Variants in TENM4 observed in about 807,000 individuals in gnomAD.
TENM4 encodes the protein teneurin-4.
A neutral mutation model predicts 243.3 loss-of-function variants in TENM4; 82 were observed. That is an observed-to-expected ratio of 0.34 (90% CI 0.28 to 0.40). TENM4 has a LOEUF of 0.40. Ranked by LOEUF, TENM4 falls within the 10% of genes least tolerant of loss-of-function variation. The probability of loss-of-function intolerance (pLI) is 1.00; values close to 1 mark genes in which losing one functional copy is unlikely to be tolerated. For synonymous variants in TENM4, 1,412 were observed against 1,456.3 expected (o/e 0.97, Z 0.69); for missense variants, 3,138 against 3,673.3 (o/e 0.85, Z 3.77).
intron 1 of TENM4, among the ~76,000 whole-genome samples, chr11:79,369,374 C>T (rs957022374): frequency 6.6e-6 from 1 of 152,154 alleles, no homozygotes; most frequent in Non-Finnish European, 1.5e-5. Context: ...TTCAGAGGGG[C>T]GCATTACATT....
intron 6 of TENM4, among the ~76,000 whole-genome samples, chr11:79,054,094 T>A (rs913839385): frequency 6.6e-6 from 1 of 152,164 alleles, no homozygotes; most frequent in African/African-American, 2.4e-5. Flanking sequence ...AGCCCCTGTA[T>A]CTTCCTAAGT....
intron 31 of TENM4, among the ~76,000 whole-genome samples, chr11:78,671,662 A>C (rs1858329091): frequency 6.6e-6 from 1 of 152,174 alleles, no homozygotes. Context: ...CTGCCTATGT[A>C]CTGATGCCTA....
chr11:78,655,650 G>GT lies in TENM4; in HGVS notation c.*2407dup, dbSNP rs1857872597. On this transcript the variant is annotated 3_prime_UTR_variant, in exon 34 of 34. Transcript: ENST00000278550. The stretch of plus-strand genomic sequence containing the variant: ...GGCGTGGGGGAAGCGTAGGGAGCTG[G>GT]TTCCTGTGGACCGCATGCCGTTCCT... 6.6e-6 allele frequency: 1 copy of GT among 152,394 alleles called. No individual in the cohort carries two copies. The highest frequency in any genetic ancestry group is 1.5e-5 in the Non-Finnish European group (1 of 68,186). 9.4% of individuals were successfully genotyped at this position (152,394 alleles called of 1,614,324 possible). A position where few individuals can be genotyped will look rare whatever the true frequency, so the allele number is the denominator to read the frequency against.
At chr11:78,864,551 C>T (rs1343809799) in intron 9 of TENM4, among the ~76,000 whole-genome samples, 1 of 151,812 alleles carries the variant, frequency 6.6e-6, no homozygotes, top group Non-Finnish European at 1.5e-5. Flanking sequence ...GAACATTGTC[C>T]CTTGAGATAT....
chr11:78,829,790 C>A (rs1210190813), intron 12 of TENM4, among the ~76,000 whole-genome samples: 1 of 152,164 alleles, frequency 6.6e-6, no homozygotes, highest in African/African-American at 2.4e-5. Flanking sequence ...CCTGCAGACC[C>A]TTCTGTGTGG....
At chr11:79,025,822 A>G (rs1403255752) in intron 6 of TENM4, among the ~76,000 whole-genome samples, 1 of 152,178 alleles carries the variant, frequency 6.6e-6, no homozygotes, top group Non-Finnish European at 1.5e-5. Context: ...TTTTACAGGA[A>G]CAACAGGAAC....
chr11:78,777,834 T>C (rs1466104496), intron 17 of TENM4, among the ~76,000 whole-genome samples: 1 of 152,180 alleles, frequency 6.6e-6, no homozygotes, highest in African/African-American at 2.4e-5. Flanking sequence ...TCAAGGAGCT[T>C]AGAGTCTTTT....
chr11:78,713,862 C>T (rs1372654904), intron 25 of TENM4, among the ~76,000 whole-genome samples: 2 of 152,156 alleles, frequency 1.3e-5, no homozygotes, highest in Non-Finnish European at 2.9e-5. Flanking sequence ...TAGGGCACAT[C>T]GGAGTTGAAC....
chr11:78,667,432 C>T (rs1164710198), intron 32 of TENM4, among the ~76,000 whole-genome samples: 1 of 152,128 alleles, frequency 6.6e-6, no homozygotes, highest in East Asian at 1.9e-4. Context: ...TCATGTTGCC[C>T]CTCTACACTT....
chr11:79,206,586 C>T (rs1422744304), intron 3 of TENM4, among the ~76,000 whole-genome samples: 2 of 152,106 alleles, frequency 1.3e-5, no homozygotes, highest in Admixed American at 6.5e-5. Context: ...GGGAGGGACC[C>T]AGGGGGAAGT....
chr11:78,784,945 A>G (rs1244379651), intron 16 of TENM4, among the ~76,000 whole-genome samples: 1 of 149,990 alleles, frequency 6.7e-6, no homozygotes, highest in African/African-American at 2.5e-5. Context: ...TTTTTGTCCA[A>G]CATTTGCAAA....
intron 6 of TENM4, among the ~76,000 whole-genome samples, chr11:79,023,910 T>C (rs1859002021): frequency 2.0e-5 from 3 of 152,212 alleles, no homozygotes; most frequent in Admixed American, 6.5e-5. Context: ...ATTTACTAAG[T>C]GCCACTACCA....
chr11:79,030,358 C>T (rs1859194629), intron 6 of TENM4, among the ~76,000 whole-genome samples: 1 of 152,166 alleles, frequency 6.6e-6, no homozygotes, highest in African/African-American at 2.4e-5. Flanking sequence ...GTTCCCAAGT[C>T]CTCACTTGAA....
chr11:78,804,873 C>T (rs1037111293), intron 15 of TENM4, among the ~76,000 whole-genome samples: 8 of 152,252 alleles, frequency 5.3e-5, no homozygotes, highest in Non-Finnish European at 1.0e-4. Flanking sequence ...GTTTGGACTT[C>T]ATTCTGAGAA....
chr11:78,886,904 C>T (rs551619), intron 9 of TENM4, among the ~76,000 whole-genome samples: 3 of 152,032 alleles, frequency 2.0e-5, no homozygotes, highest in Admixed American at 6.5e-5. Flanking sequence ...ATTGACCTTC[C>T]ATCCACCTCC....
At chr11:78,873,330 T>C (rs1565417059) in intron 9 of TENM4, among the ~76,000 whole-genome samples, 1 of 152,222 alleles carries the variant, frequency 6.6e-6, no homozygotes, top group Non-Finnish European at 1.5e-5. Flanking sequence ...TTAACAGCCA[T>C]AGTCATTACT....
intron 18 of TENM4, among the ~76,000 whole-genome samples, chr11:78,768,712 T>A (rs1856589921): frequency 6.6e-6 from 1 of 152,208 alleles, no homozygotes; most frequent in Non-Finnish European, 1.5e-5. Flanking sequence ...TTCTGGTTGA[T>A]CTTTTCCACT....
chr11:78,830,422 G>A (rs999597065), intron 12 of TENM4, among the ~76,000 whole-genome samples: 1 of 152,194 alleles, frequency 6.6e-6, no homozygotes, highest in Non-Finnish European at 1.5e-5. Context: ...GTTAAACTGA[G>A]GGAGAAGTGG....
chr11:78,803,619 TATTC>T (rs1857328196), intron 15 of TENM4, among the ~76,000 whole-genome samples: 1 of 152,246 alleles, frequency 6.6e-6, no homozygotes, highest in South Asian at 2.1e-4. Context: ...CTCATAATTC[TATTC>T]AAAGTCCCTT....
Sources: gnomAD v4.1 joint callset for allele counts (sites outside exome capture counted in the v4.1 genomes callset) on GRCh38, gnomAD v4.1.1 for gene constraint, MANE v1.5 for transcripts, NCBI Gene and HGNC (gene_info 2026-07-23, HGNC 2026-07-21) for gene names.